The following PABPC1 variants were observed in gnomAD, a reference collection of about 807,000 sequenced individuals.
The protein encoded by PABPC1 is polyadenylate-binding protein 1.
A neutral mutation model predicts 74.0 loss-of-function variants in PABPC1; 4 were observed. The observed-to-expected ratio is 0.05, with a 90% CI of 0.03 to 0.12. The LOEUF is 0.12. Ranked by LOEUF, PABPC1 falls within the 10% of genes least tolerant of loss-of-function variation. The pLI is 1.00. For missense variants in PABPC1, 271 were observed against 821.1 expected, an observed-to-expected ratio of 0.33 and a Z score of 8.19; for synonymous variants, 227 against 264.1, an observed-to-expected ratio of 0.86 and a Z score of 1.36.
intron 7 of PABPC1, among the ~76,000 whole-genome samples, chr8:100,711,572 A>G (rs1439031559): frequency 6.6e-6 from 1 of 152,264 alleles, no homozygotes; most frequent in Non-Finnish European, 1.5e-5. Flanking sequence ...ACTGAAGACA[A>G]AAACATTCAG....
intron 1 of PABPC1, among the ~76,000 whole-genome samples, chr8:100,720,437 T>C (rs896433707): frequency 1.3e-5 from 2 of 152,210 alleles, no homozygotes; most frequent in Non-Finnish European, 2.9e-5. Flanking sequence ...AAAGAGAAAC[T>C]TGAACTTCTT....
chr8:100,719,006 T>C (rs954513397), intron 1 of PABPC1, among the ~76,000 whole-genome samples: 4 of 152,216 alleles, frequency 2.6e-5, no homozygotes, highest in African/African-American at 7.2e-5. Flanking sequence ...TCTTGACACA[T>C]ACAATCAATT....
intron 11 of PABPC1, among the ~76,000 whole-genome samples, 157 bp from the exon 12 acceptor site, chr8:100,705,830 A>C (rs937339094): frequency 1.3e-5 from 2 of 152,208 alleles, no homozygotes; most frequent in African/African-American, 2.4e-5. Context: ...AGTAGTTATT[A>C]TATACTATGT....
intron 11 of PABPC1, 85 bp downstream of exon 11, chr8:100,706,566 T>C: frequency 1.6e-6 from 2 of 1,214,754 alleles, no homozygotes; most frequent in Non-Finnish European, 2.4e-6. Flanking sequence ...GGGTTATAGG[T>C]GTGAGCCACT....
intron 14 of PABPC1, among the ~76,000 whole-genome samples, chr8:100,703,598 A>T (rs1474975897): frequency 6.6e-6 from 1 of 152,172 alleles, no homozygotes; most frequent in South Asian, 2.1e-4. Flanking sequence ...GGCCCTTTAC[A>T]AAAAACATTT....
rs1340700973 is a variant in PABPC1, at chr8:100,706,660, T to C, written c.1593A>G (p.Thr531=). 5 of 1,613,394 alleles carry C rather than the reference T, an allele frequency of 3.1e-6. No individual in the cohort carries two copies. Among genetic ancestry groups the C allele is most frequent in the African/African-American group, 1.3e-5 (1 of 74,904 alleles). Reference sequence around the variant, plus strand: ...ATCATTAAATCCATACCTGTTGCATTGTAACTTGTGGCTGTGCATTAAGAT... The same window carrying C: ...ATCATTAAATCCATACCTGTTGCATCGTAACTTGTGGCTGTGCATTAAGAT... ...QQHLNAQPQV[T]MQQPAVHVQG... The change falls in exon 11 of 15, where the codon ACA becomes ACG. Residue 531 remains threonine, a synonymous_variant. Transcript: ENST00000318607.
chr8:100,718,120 T>C lies in PABPC1; in HGVS notation c.354A>G (p.Thr118=). 1 of 1,614,028 alleles carries C rather than the reference T, an allele frequency of 6.2e-7. No individual in the cohort carries two copies. Among genetic ancestry groups the C allele is most frequent in the Non-Finnish European group, 8.5e-7 (1 of 1,179,920 alleles). ...AAAGGATGTTACCAAAAGCAGAAAA[T>C]GTATCATACAGTGCTTTATTATCAA... ...KSIDNKALYD[T]FSAFGNILSC... The change falls in exon 2 of 15, where the codon ACA becomes ACG. Residue 118 remains threonine (T), a synonymous_variant. Coordinates refer to ENST00000318607, the MANE Select transcript of PABPC1 (RefSeq NM_002568.4).
At chr8:100,707,496 C>T (rs1435108941) in intron 9 of PABPC1, among the ~76,000 whole-genome samples, 1 of 152,122 alleles carries the variant, frequency 6.6e-6, no homozygotes, top group Non-Finnish European at 1.5e-5. Flanking sequence ...GCCTGGCAGC[C>T]GAGGCAGAGA....
At chr8:100,719,521 A>G (rs530682797) in intron 1 of PABPC1, among the ~76,000 whole-genome samples, 1 of 152,316 alleles carries the variant, frequency 6.6e-6, no homozygotes, top group South Asian at 2.1e-4. Flanking sequence ...AAAAAAGAAC[A>G]AGAAATCCAC....
rs1265724030 is a variant in PABPC1, at chr8:100,705,748, TCTG to T, written c.1603-78_1603-76del. On this transcript the variant is annotated intron_variant, in intron 11 of 14. Transcript: ENST00000318607. Reference sequence around the variant, plus strand: ...AAATACAAATAGTCATCAATGGACATCTGCTGAAGTGGTAGACTTCCATCGAAA... The same window carrying T: ...AAATACAAATAGTCATCAATGGACATCTGAAGTGGTAGACTTCCATCGAAA... 8.7e-6 allele frequency: 8 copies of T among 919,752 alleles called. No individual in the cohort carries two copies. The African/African-American group carries it at 1.3e-4, about 15-fold the overall frequency. The allele number at this position is 919,752 out of a possible 1,614,324, so 57.0% of individuals were successfully genotyped here. A position where few individuals can be genotyped will look rare whatever the true frequency, so the allele number is the denominator to read the frequency against.
intron 1 of PABPC1, 49 bp from the exon 2 acceptor site, chr8:100,718,329 G>A (rs1810724690): frequency 1.3e-6 from 2 of 1,488,364 alleles, no homozygotes; most frequent in Non-Finnish European, 9.2e-7. Context: ...AATTTTTGCT[G>A]GCTACTTAAG....
chr8:100,708,060 T>C (rs1810428403), intron 9 of PABPC1, among the ~76,000 whole-genome samples: 2 of 152,252 alleles, frequency 1.3e-5, no homozygotes, highest in South Asian at 4.1e-4. Context: ...TAAAGAGTAA[T>C]TGCTACAAAC....
Position 100,703,326 on chromosome 8 carries a change from A to T in PABPC1, c.*35T>A. ...GATGTTTAGATATTTTTCTTCGGTG[A>T]AGCACAAGTTTCTTTTCATGGTCCC... On this transcript the variant is annotated 3_prime_UTR_variant, in exon 15 of 15. Transcript: ENST00000318607. The T allele has an allele frequency of 6.3e-6, 1 of 159,064 alleles. No individual in the cohort carries two copies. The allele number at this position is 159,064 out of a possible 1,614,324, so 9.9% of individuals were successfully genotyped here.
intron 12 of PABPC1, among the ~76,000 whole-genome samples, 181 bp downstream of exon 12, chr8:100,705,408 T>C (rs1239864832): frequency 2.0e-5 from 3 of 152,226 alleles, no homozygotes; most frequent in Non-Finnish European, 2.9e-5. Context: ...TTACTAACAA[T>C]ACATTTTCTT....
At chr8:100,712,035 G>C (rs1298696763) in intron 7 of PABPC1, among the ~76,000 whole-genome samples, 1 of 152,198 alleles carries the variant, frequency 6.6e-6, no homozygotes, top group African/African-American at 2.4e-5. Context: ...TGACTACCCA[G>C]AATGAATTGT....
At chr8:100,718,316 C>T (rs1810724298) in intron 1 of PABPC1, 36 bp from the exon 2 acceptor site, 2 of 1,567,416 alleles carry the variant, frequency 1.3e-6, no homozygotes, top group South Asian at 2.3e-5. Flanking sequence ...AATATTACTT[C>T]AAAATTTTTG....
chr8:100,717,644 A>G, intron 3 of PABPC1, 129 bp downstream of exon 3: 1 of 619,058 alleles, frequency 1.6e-6, no homozygotes, highest in Non-Finnish European at 2.8e-6. Context: ...ATTCATCTTT[A>G]AAATGTTTTT....
intron 7 of PABPC1, among the ~76,000 whole-genome samples, chr8:100,710,154 G>GA (rs11400672): frequency 0.26 from 39,455 of 152,006 alleles, 5,576 homozygotes; most frequent in South Asian, 0.36. Flanking sequence ...ATGCCTTTGA[G>GA]AAAAAAGTAG....
Position 100,709,182 on chromosome 8 carries a change from A to C in PABPC1, c.1287T>G (p.Ala429=), listed in dbSNP as rs1386976939. The C allele has an allele frequency of 6.2e-7, 1 of 1,614,148 alleles. No homozygotes were observed. The highest frequency in any genetic ancestry group is 8.5e-7 in the Non-Finnish European group (1 of 1,180,032). ...TCCAGCGAGGACTTGGTCTTAGTTG[A>C]GCAATTTGGCTAGGAGGATAGTATG... ...RAAYYPPSQI[A]QLRPSPRWTA... is the part of the protein sequence containing the mutation. The change falls in exon 9 of 15, where the codon GCT becomes GCG. Residue 429 remains alanine (A), a synonymous_variant. Coordinates refer to ENST00000318607, the MANE Select transcript of PABPC1 (RefSeq NM_002568.4).
Sources: gnomAD v4.1 joint callset for allele counts (sites outside exome capture counted in the v4.1 genomes callset) on GRCh38, gnomAD v4.1.1 for gene constraint, MANE v1.5 for transcripts, NCBI Gene and HGNC (gene_info 2026-07-23, HGNC 2026-07-21) for gene names.